The following CPPED1 variants were observed in gnomAD, a reference collection of about 807,000 sequenced individuals.
CPPED1 encodes the protein calcineurin like phosphoesterase domain containing 1, also known as serine/threonine-protein phosphatase CPPED1.
In CPPED1, 28 loss-of-function variants were observed where a neutral mutation model predicts 28.0. That is an observed-to-expected ratio of 1.00 (90% confidence interval 0.74 to 1.37). The LOEUF is 1.37. Ranked by LOEUF, CPPED1 falls within the 40% of genes most tolerant of loss-of-function variation. The probability of loss-of-function intolerance (pLI) is 0.00; values close to 1 mark genes in which losing one functional copy is unlikely to be tolerated. For synonymous variants in CPPED1, 198 were observed against 180.2 expected (o/e 1.10, Z -0.79); for missense variants, 504 against 416.5 (o/e 1.21, Z -1.83).
chr16:12,786,866 C>T (rs764325033), intron 1 of CPPED1, among the ~76,000 whole-genome samples: 61 of 152,276 alleles, frequency 4.0e-4, no homozygotes, highest in African/African-American at 1.3e-3. Context: ...GAGCCGAGAT[C>T]GTGCCACTGC....
intron 1 of CPPED1, among the ~76,000 whole-genome samples, chr16:12,795,825 T>C (rs372420589): frequency 1.5e-4 from 23 of 152,322 alleles, no homozygotes; most frequent in Admixed American, 1.2e-3. Context: ...GGCTTAGGCC[T>C]GTAATCCCAG....
chr16:12,691,851 ATG>A lies in CPPED1; in HGVS notation c.715+12771_715+12772del, dbSNP rs1184114411. Among the ~76,000 whole-genome samples the A allele has an allele frequency of 5.5e-3, 804 of 147,040 alleles. 47 individuals carry two copies. The highest frequency in any genetic ancestry group is 0.019 in the African/African-American group (728 of 38,012). ...GGGGGGAGGGATAGCATTAGGAGAC[ATG>A]CCTAATGTTAAATGATGAGTTAATG... On this transcript the variant is annotated intron_variant, in intron 3 of 3. Coordinates refer to ENST00000381774, the MANE Select transcript of CPPED1 (RefSeq NM_018340.3).
intron 2 of CPPED1, among the ~76,000 whole-genome samples, chr16:12,714,306 T>G (rs1442829564): frequency 6.6e-6 from 1 of 152,190 alleles, no homozygotes; most frequent in African/African-American, 2.4e-5. Context: ...CTTGAGTGTA[T>G]ACCTAGGAGT....
intron 3 of CPPED1, among the ~76,000 whole-genome samples, chr16:12,697,141 T>C (rs1250669226): frequency 2.0e-5 from 3 of 152,050 alleles, no homozygotes; most frequent in Non-Finnish European, 4.4e-5. Context: ...TGTCCTGCCT[T>C]AGCCTCCCAA....
chr16:12,705,350 C>A (rs951862668), intron 2 of CPPED1, among the ~76,000 whole-genome samples: 2 of 152,116 alleles, frequency 1.3e-5, no homozygotes, highest in Non-Finnish European at 2.9e-5. Context: ...GGACTGGGTA[C>A]AGTGGCTCAC....
At chr16:12,708,412 A>T (rs545832526) in intron 2 of CPPED1, among the ~76,000 whole-genome samples, 3 of 152,172 alleles carry the variant, frequency 2.0e-5, no homozygotes, top group Non-Finnish European at 4.4e-5. Flanking sequence ...TCCTACTAAG[A>T]TAATGATGTC....
chr16:12,743,780 G>A (rs2080268566), intron 2 of CPPED1, among the ~76,000 whole-genome samples: 1 of 152,140 alleles, frequency 6.6e-6, no homozygotes, highest in African/African-American at 2.4e-5. Flanking sequence ...AAGGCAGGTG[G>A]ATCACTTGAG....
At chr16:12,690,507 CCTT>C (rs755743933) in intron 3 of CPPED1, among the ~76,000 whole-genome samples, 13 of 150,988 alleles carry the variant, frequency 8.6e-5, no homozygotes, top group Non-Finnish European at 1.5e-4. Flanking sequence ...GCGCAAGACT[CCTT>C]CTCAAGAAAG....
chr16:12,747,955 C>T (rs1405156989), intron 2 of CPPED1, among the ~76,000 whole-genome samples: 5 of 152,280 alleles, frequency 3.3e-5, no homozygotes, highest in Non-Finnish European at 5.9e-5. Flanking sequence ...ACGCAGTGCC[C>T]GTCTCACACC....
intron 2 of CPPED1, among the ~76,000 whole-genome samples, chr16:12,779,942 C>G (rs2080520059): frequency 6.6e-6 from 1 of 152,144 alleles, no homozygotes; most frequent in Admixed American, 6.6e-5. Flanking sequence ...TTTGCTTATA[C>G]CTGCTTGCTG....
intron 2 of CPPED1, among the ~76,000 whole-genome samples, chr16:12,713,161 C>T (rs561149183): frequency 6.6e-6 from 1 of 152,024 alleles, no homozygotes; most frequent in African/African-American, 2.4e-5. Context: ...AAAAATTGTG[C>T]TCAGGACGAA....
chr16:12,730,140 G>A (rs1045228245), intron 2 of CPPED1, among the ~76,000 whole-genome samples: 5 of 152,078 alleles, frequency 3.3e-5, no homozygotes, highest in Non-Finnish European at 7.4e-5. Context: ...GGGATTACAC[G>A]TGTGAGCCAC....
At chr16:12,791,890 G>T (rs1336624002) in intron 1 of CPPED1, among the ~76,000 whole-genome samples, 1 of 152,000 alleles carries the variant, frequency 6.6e-6, no homozygotes, top group Non-Finnish European at 1.5e-5. Context: ...GACATCAATG[G>T]ATCCCCACTC....
At chr16:12,802,642 C>T (rs141759918) in intron 1 of CPPED1, among the ~76,000 whole-genome samples, 2 of 152,218 alleles carry the variant, frequency 1.3e-5, no homozygotes, top group African/African-American at 4.8e-5. Context: ...ACCGGAGAAA[C>T]CTACTTTAGA....
chr16:12,755,998 G>A (rs781467332), intron 2 of CPPED1, among the ~76,000 whole-genome samples: 21 of 152,246 alleles, frequency 1.4e-4, no homozygotes, highest in Non-Finnish European at 8.8e-5. Context: ...GGGCGTGGTC[G>A]CGGGCACCTG....
intron 2 of CPPED1, among the ~76,000 whole-genome samples, chr16:12,776,341 A>G (rs1008651168): frequency 2.0e-5 from 3 of 152,220 alleles, no homozygotes; most frequent in Admixed American, 6.6e-5. Flanking sequence ...GTTTGATTCC[A>G]CTAAGTTGGT....
chr16:12,680,764 T>C (rs2079900695), intron 3 of CPPED1, among the ~76,000 whole-genome samples: 1 of 152,064 alleles, frequency 6.6e-6, no homozygotes, highest in African/African-American at 2.4e-5. Flanking sequence ...AGGGGCAATA[T>C]CTCCTTCTGG....
At chr16:12,744,294 G>GCAAGCAAGTA (rs199563639) in intron 2 of CPPED1, among the ~76,000 whole-genome samples, 1 of 76,426 alleles carries the variant, frequency 1.3e-5, no homozygotes, top group East Asian at 3.8e-4. Context: ...GAGAGAGAGA[G>GCAAGCAAGTA]AGAAAGCAAG....
intron 1 of CPPED1, among the ~76,000 whole-genome samples, chr16:12,788,532 A>G (rs1209577819): frequency 6.6e-6 from 1 of 152,078 alleles, no homozygotes; most frequent in Non-Finnish European, 1.5e-5. Flanking sequence ...AGTTACTGTA[A>G]CCAGCCTTTC....
Sources: gnomAD v4.1 joint callset for allele counts (sites outside exome capture counted in the v4.1 genomes callset) on GRCh38, gnomAD v4.1.1 for gene constraint, MANE v1.5 for transcripts, NCBI Gene and HGNC (gene_info 2026-07-23, HGNC 2026-07-21) for gene names.